AHCYL2: variants seen among roughly 807,000 people sequenced by gnomAD.
AHCYL2 encodes the protein S-adenosylhomocysteine hydrolase-like protein 2.
A neutral mutation model predicts 81.4 loss-of-function variants in AHCYL2; 28 were observed. The observed-to-expected ratio is 0.34, with a 90% confidence interval of 0.25 to 0.47. AHCYL2 has a LOEUF of 0.47. Ranked by LOEUF, AHCYL2 falls within the 20% of genes least tolerant of loss-of-function variation. The pLI, the probability that AHCYL2 is intolerant of heterozygous loss-of-function variation, is 1.00. For missense variants in AHCYL2, 551 were observed against 785.1 expected, an observed-to-expected ratio of 0.70 and a Z score of 3.56; for synonymous variants, 272 against 290.2, an observed-to-expected ratio of 0.94 and a Z score of 0.64.
Position 129,264,082 on chromosome 7 carries a change from C to T in AHCYL2, c.363+38643C>T, listed in dbSNP as rs145124354. On this transcript the variant is annotated intron_variant, in intron 1 of 16. Coordinates refer to ENST00000325006, the MANE Select transcript of AHCYL2 (RefSeq NM_015328.4). ...TGTCGCCTAGGCTGGAGTGCAGTGGCGCCATCTCGGCTCACTGCAAGCTCC... is the reference window on the plus strand; with the variant it reads ...TGTCGCCTAGGCTGGAGTGCAGTGGTGCCATCTCGGCTCACTGCAAGCTCC... Among the ~76,000 whole-genome samples, 869 of 152,186 alleles carry T rather than the reference C, an allele frequency of 5.7e-3. 6 individuals are homozygous for T. Among genetic ancestry groups the T allele is most frequent in the African/African-American group, 0.019 (778 of 41,518 alleles).
At chr7:129,234,394 G>A (rs1421765397) in intron 1 of AHCYL2, among the ~76,000 whole-genome samples, 1 of 152,122 alleles carries the variant, frequency 6.6e-6, no homozygotes, top group Admixed American at 6.5e-5. Context: ...ACAGGCATCC[G>A]CCACTGTGCC....
intron 1 of AHCYL2, among the ~76,000 whole-genome samples, chr7:129,290,715 G>A (rs1340426371): frequency 6.6e-6 from 1 of 152,052 alleles, no homozygotes; most frequent in Admixed American, 6.5e-5. Context: ...TGGATCATGA[G>A]GTCAGGAGTT....
intron 1 of AHCYL2, among the ~76,000 whole-genome samples, chr7:129,255,731 C>T (rs1331167332): frequency 6.6e-6 from 1 of 152,004 alleles, no homozygotes; most frequent in African/African-American, 2.4e-5. Flanking sequence ...GCCTGTAATC[C>T]CAGCACTTTG....
In AHCYL2 at chr7:129,424,921, C is replaced by G; in HGVS notation, c.1608C>G (p.Leu536=). Residue 536 remains leucine (L), a synonymous_variant, in exon 14 of 17, where the codon CTC becomes CTG. Coordinates refer to ENST00000325006, the MANE Select transcript of AHCYL2 (RefSeq NM_015328.4). ...LSCSTVPTFV[L]SITATTQALA... is the part of the protein sequence containing the mutation. ...GCTCCACAGTGCCTACATTTGTGCT[C>G]TCAATCACTGCTACTACTCAGGTAA... 6.2e-7 allele frequency: 1 copy of G among 1,613,794 alleles called. No individual in the cohort carries two copies. Among genetic ancestry groups the G allele is most frequent in the East Asian group, 2.2e-5 (1 of 44,886 alleles).
intron 1 of AHCYL2, among the ~76,000 whole-genome samples, chr7:129,250,515 G>C (rs1252221091): frequency 6.6e-6 from 1 of 152,092 alleles, no homozygotes; most frequent in Non-Finnish European, 1.5e-5. Flanking sequence ...CAATGTATGT[G>C]CCTTTAATTT....
At position 129,389,659 on chromosome 7, in the gene AHCYL2, G is replaced by A. The variant is rs767604280; in HGVS notation, c.645G>A (p.Arg215=). 1 of 1,613,734 alleles carries A rather than the reference G, an allele frequency of 6.2e-7. No homozygotes were observed. The highest frequency in any genetic ancestry group is 8.5e-7 in the Non-Finnish European group (1 of 1,179,796). ...AAATGCCTGCATTGATGGCTTTGAG[G>A]AAGAGAGCTCAAGGAGAAAAGCCTT... The part of the protein sequence containing the change: ...EQEMPALMAL[R]KRAQGEKPLA... Residue 215 remains arginine, a synonymous_variant, in exon 4 of 17, where the codon AGG becomes AGA. Coordinates refer to ENST00000325006, the MANE Select transcript of AHCYL2 (RefSeq NM_015328.4).
intron 1 of AHCYL2, among the ~76,000 whole-genome samples, chr7:129,357,892 C>T (rs1793790100): frequency 6.6e-6 from 1 of 150,794 alleles, no homozygotes; most frequent in Non-Finnish European, 1.5e-5. Context: ...TGAGATCAGG[C>T]CACTGCACTC....
chr7:129,258,255 A>G (rs1353005833), intron 1 of AHCYL2, among the ~76,000 whole-genome samples: 2 of 138,814 alleles, frequency 1.4e-5, no homozygotes, highest in African/African-American at 2.6e-5. Flanking sequence ...TGCCTTTAAA[A>G]GGAAAAAAAA....
intron 1 of AHCYL2, among the ~76,000 whole-genome samples, chr7:129,271,309 C>T (rs1015772808): frequency 3.4e-5 from 5 of 146,206 alleles, no homozygotes; most frequent in South Asian, 2.2e-4. Context: ...TGCAGTGAGC[C>T]GAGATGGTGC....
At chr7:129,297,962 G>A (rs1447117314) in intron 1 of AHCYL2, among the ~76,000 whole-genome samples, 7 of 152,210 alleles carry the variant, frequency 4.6e-5, no homozygotes. Flanking sequence ...TGGGGAGGTT[G>A]AGGCTGCAGT....
At chr7:129,328,175 C>CTTTG (rs747725557) in intron 1 of AHCYL2, among the ~76,000 whole-genome samples, 33 of 151,916 alleles carry the variant, frequency 2.2e-4, no homozygotes, top group African/African-American at 6.8e-4. Flanking sequence ...CCTGATTTGG[C>CTTTG]TTTGTTTGTT....
intron 1 of AHCYL2, among the ~76,000 whole-genome samples, chr7:129,297,721 G>T (rs962312790): frequency 6.6e-6 from 1 of 152,042 alleles, no homozygotes. Flanking sequence ...ATTGAGAGCT[G>T]TAATCAAAAT....
chr7:129,374,240 C>G (rs542788369), intron 1 of AHCYL2, among the ~76,000 whole-genome samples: 1 of 152,290 alleles, frequency 6.6e-6, no homozygotes, highest in East Asian at 1.9e-4. Context: ...AGCTTTGGCT[C>G]TAGCATAAAC....
intron 2 of AHCYL2, among the ~76,000 whole-genome samples, chr7:129,386,004 T>C (rs1795183523): frequency 6.6e-6 from 1 of 152,234 alleles, no homozygotes; most frequent in Non-Finnish European, 1.5e-5. Flanking sequence ...TATTCATTTA[T>C]TTATAATTCA....
chr7:129,305,157 A>C (rs1797394283), intron 1 of AHCYL2, among the ~76,000 whole-genome samples: 1 of 152,180 alleles, frequency 6.6e-6, no homozygotes, highest in Non-Finnish European at 1.5e-5. Flanking sequence ...CAAGCAAAAA[A>C]ACTAATAAAA....
intron 1 of AHCYL2, among the ~76,000 whole-genome samples, chr7:129,379,153 T>C (rs2150883641): frequency 6.6e-6 from 1 of 151,956 alleles, no homozygotes; most frequent in Non-Finnish European, 1.5e-5. Context: ...TTGTGGTGTG[T>C]GCCTGTAATC....
chr7:129,381,957 CTTTCTT>C (rs1157489137), intron 2 of AHCYL2, among the ~76,000 whole-genome samples: 1 of 151,956 alleles, frequency 6.6e-6, no homozygotes, highest in Non-Finnish European at 1.5e-5. Flanking sequence ...TTTTTTGTTT[CTTTCTT>C]TTTCTTTTCC....
intron 1 of AHCYL2, among the ~76,000 whole-genome samples, chr7:129,242,990 G>A (rs1273461044): frequency 1.3e-5 from 2 of 149,976 alleles, no homozygotes; most frequent in Non-Finnish European, 3.0e-5. Flanking sequence ...GATCCCAGTG[G>A]CGTTTTCTTA....
At chr7:129,417,382 T>A (rs1271018068) in intron 12 of AHCYL2, among the ~76,000 whole-genome samples, 2 of 152,358 alleles carry the variant, frequency 1.3e-5, no homozygotes, top group African/African-American at 4.8e-5. Flanking sequence ...TCATAGCCCA[T>A]TGTAAGAACT....
Sources: allele counts gnomAD v4.1 joint callset (sites outside exome capture counted in the v4.1 genomes callset), GRCh38; gene constraint gnomAD v4.1.1; transcripts MANE v1.5; gene names NCBI Gene and HGNC (gene_info 2026-07-23, HGNC 2026-07-21).